TMCO5A: variants seen among roughly 807,000 people sequenced by gnomAD.
TMCO5A encodes transmembrane and coiled-coil domain-containing protein 5A.
Under a neutral mutation model 42.3 loss-of-function variants are expected in TMCO5A, and 34 were observed. That is an observed-to-expected ratio of 0.80 (90% CI 0.61 to 1.07). The LOEUF (loss-of-function observed/expected upper bound fraction) is 1.07. Among genes scored for constraint, TMCO5A ranks in the 50% least tolerant of loss-of-function variants. The pLI is 0.00. For synonymous variants in TMCO5A, 131 were observed against 115.6 expected, an observed-to-expected ratio of 1.13 and a Z score of -0.86; for missense variants, 357 against 327.9, an observed-to-expected ratio of 1.09 and a Z score of -0.69.
the TMCO5A span, among the ~76,000 whole-genome samples, chr15:37,999,034 G>A: frequency 6.6e-6 from 1 of 152,128 alleles, no homozygotes; most frequent in Non-Finnish European, 1.5e-5. Context: ...AGGCTCCCTA[G>A]TAGCTGGAAT....
the TMCO5A span, among the ~76,000 whole-genome samples, chr15:38,007,056 T>C: frequency 1.3e-5 from 2 of 152,222 alleles, no homozygotes; most frequent in Non-Finnish European, 2.9e-5. Flanking sequence ...TCATATGTCA[T>C]GAAATATTAT....
At chr15:37,985,413 AT>A in the TMCO5A span, among the ~76,000 whole-genome samples, 1 of 152,116 alleles carries the variant, frequency 6.6e-6, no homozygotes, top group Non-Finnish European at 1.5e-5. Context: ...AAATTGTATA[AT>A]TTTTTGCTGT....
At chr15:38,018,107 C>T in the TMCO5A span, among the ~76,000 whole-genome samples, 7 of 152,028 alleles carry the variant, frequency 4.6e-5, no homozygotes, top group African/African-American at 1.2e-4. Context: ...TATAGCAGTG[C>T]GAAAATGGAC....
At chr15:38,038,602 A>C in the TMCO5A span, among the ~76,000 whole-genome samples, 3 of 152,098 alleles carry the variant, frequency 2.0e-5, no homozygotes, top group East Asian at 5.8e-4. Flanking sequence ...AGATGGGGTT[A>C]CACCATGTTA....
At chr15:37,950,799 A>T (rs1890128923) in intron 11 of TMCO5A, among the ~76,000 whole-genome samples, 1 of 152,176 alleles carries the variant, frequency 6.6e-6, no homozygotes, top group Non-Finnish European at 1.5e-5. Flanking sequence ...AAATCAGAGA[A>T]CAAAATTATT....
chr15:38,007,966 G>C, the TMCO5A span, among the ~76,000 whole-genome samples: 1 of 130,604 alleles, frequency 7.7e-6, no homozygotes, highest in East Asian at 2.5e-4. Flanking sequence ...CACGATCTCG[G>C]CTCACTGCAA....
downstream of TMCO5A, among the ~76,000 whole-genome samples, chr15:37,955,745 C>G (rs1000081242): frequency 2.6e-5 from 4 of 152,112 alleles, no homozygotes; most frequent in Non-Finnish European, 5.9e-5. Context: ...CCAAGCAGAT[C>G]TAATAGACAT....
chr15:37,983,827 T>C, the TMCO5A span, among the ~76,000 whole-genome samples: 1 of 151,322 alleles, frequency 6.6e-6, no homozygotes, highest in Admixed American at 6.6e-5. Context: ...CAGATTCAAG[T>C]GATTCTCCTG....
exon 12 of TMCO5A, chr15:37,967,020 C>T (rs553455538): frequency 2.3e-4 from 53 of 229,928 alleles, no homozygotes; most frequent in African/African-American, 1.2e-3. Context: ...AACTCTGTGT[C>T]TTCCTATAAG....
At chr15:37,993,926 G>A in the TMCO5A span, among the ~76,000 whole-genome samples, 1 of 152,148 alleles carries the variant, frequency 6.6e-6, no homozygotes, top group East Asian at 1.9e-4. Flanking sequence ...GAAGTTGTAA[G>A]CCTTCAAACA....
At chr15:38,029,008 A>C in the TMCO5A span, among the ~76,000 whole-genome samples, 3 of 152,208 alleles carry the variant, frequency 2.0e-5, no homozygotes, top group African/African-American at 7.2e-5. Flanking sequence ...CTAAAGGTGG[A>C]GCTTGGGATT....
the TMCO5A span, among the ~76,000 whole-genome samples, chr15:37,986,027 GA>G: frequency 6.6e-6 from 1 of 151,806 alleles, no homozygotes; most frequent in African/African-American, 2.4e-5. Context: ...TTTGGAACTA[GA>G]AAAAAACAAC....
chr15:37,950,908 G>A, intron 11 of TMCO5A, 128 bp from the exon 12 acceptor site: 1 of 749,764 alleles, frequency 1.3e-6, no homozygotes, highest in South Asian at 1.9e-5. Flanking sequence ...ATAAAAGGTT[G>A]TCAGGAAAGG....
At chr15:37,988,503 T>C in the TMCO5A span, among the ~76,000 whole-genome samples, 4 of 151,994 alleles carry the variant, frequency 2.6e-5, 1 homozygote, top group Admixed American at 2.6e-4. Flanking sequence ...ATAGCTTTTA[T>C]TATGTTGAGG....
At chr15:37,954,017 G>C (rs1359487264), downstream of TMCO5A, among the ~76,000 whole-genome samples, 1 of 151,548 alleles carries the variant, frequency 6.6e-6, no homozygotes, top group Non-Finnish European at 1.5e-5. Context: ...ACAGTCAGAG[G>C]ACATAAAAGG....
chr15:37,988,228 T>G, the TMCO5A span, among the ~76,000 whole-genome samples: 1 of 152,002 alleles, frequency 6.6e-6, no homozygotes, highest in Non-Finnish European at 1.5e-5. Flanking sequence ...CATTTATTAT[T>G]TTAACAATTT....
chr15:38,039,426 T>C, the TMCO5A span, among the ~76,000 whole-genome samples: 4 of 152,236 alleles, frequency 2.6e-5, no homozygotes, highest in Non-Finnish European at 5.9e-5. Flanking sequence ...CTCAGTCCCA[T>C]AGTCCCTAAT....
At chr15:38,026,379 C>T in the TMCO5A span, among the ~76,000 whole-genome samples, 3 of 152,104 alleles carry the variant, frequency 2.0e-5, no homozygotes, top group Non-Finnish European at 2.9e-5. Context: ...GCACTTTGCC[C>T]CTGCCCTAGA....
At chr15:37,991,416 A>G in the TMCO5A span, among the ~76,000 whole-genome samples, 1 of 152,058 alleles carries the variant, frequency 6.6e-6, no homozygotes, top group Non-Finnish European at 1.5e-5. Context: ...TTTGATTATA[A>G]TGTGTCTCAG....
Sources: allele counts gnomAD v4.1 joint callset (sites outside exome capture counted in the v4.1 genomes callset), GRCh38; gene constraint gnomAD v4.1.1; transcripts MANE v1.5; gene names NCBI Gene and HGNC (gene_info 2026-07-23, HGNC 2026-07-21).